Variants in EIF2AK3 observed in about 807,000 individuals in gnomAD.
The protein encoded by EIF2AK3 is eukaryotic translation initiation factor 2-alpha kinase 3.
Under a neutral mutation model 113.5 loss-of-function variants are expected in EIF2AK3, and 50 were observed. That is an observed-to-expected ratio of 0.44 (90% CI 0.35 to 0.56). The LOEUF (loss-of-function observed/expected upper bound fraction) is 0.56. Ranked by LOEUF, EIF2AK3 falls within the 20% of genes least tolerant of loss-of-function variation. EIF2AK3 has a pLI of 0.00. For synonymous variants in EIF2AK3, 448 were observed against 495.4 expected (o/e 0.90, Z 1.27); for missense variants, 1,185 against 1,378.0 (o/e 0.86, Z 2.22).
Position 88,570,932 on chromosome 2 carries a change from G to A in EIF2AK3, c.2927C>T (p.Pro976Leu), listed in dbSNP as rs372331748. 1 of 1,613,992 alleles carries A rather than the reference G, an allele frequency of 6.2e-7. No homozygotes were observed. The highest frequency in any genetic ancestry group is 8.5e-7 in the Non-Finnish European group (1 of 1,180,010). Residue 976 changes from proline to leucine, a missense_variant, in exon 14 of 17, where the codon CCA becomes CTA. Physicochemically the swap from Pro to Leu is moderately conservative, Grantham distance 98. Coordinates refer to ENST00000303236, the MANE Select transcript of EIF2AK3 (RefSeq NM_004836.7). ...TTGTCCTGTGTGTCTGGCATAAGCT[G>A]GCATTGGGGTCAGAACCGTCTGCTC... ...EEEQTVLTPM[P>L]AYARHTGQVG...
intron 7 of EIF2AK3, among the ~76,000 whole-genome samples, chr2:88,588,425 C>T (rs1674793948): frequency 6.6e-6 from 1 of 152,136 alleles, no homozygotes; most frequent in South Asian, 2.1e-4. Flanking sequence ...ATATGATGTG[C>T]TAACCAGATA....
In EIF2AK3 at chr2:88,591,025, T is replaced by G; in HGVS notation, c.795A>C (p.Glu265Asp). ...EKWNFSVGHF[E>D]LRYIPDMETR... ...TTTCCATGTCTGGAATATACCGAAG[T>G]TCAAAGTGGCCAACACTGAAATTCC... Residue 265 changes from glutamate (E) to aspartate (D), a missense_variant, in exon 5 of 17, where the codon GAA (glutamate) becomes GAC (aspartate). Glu to Asp is a conservative substitution (Grantham distance 45). Coordinates refer to ENST00000303236, the MANE Select transcript of EIF2AK3 (RefSeq NM_004836.7). 6.2e-7 allele frequency: 1 copy of G among 1,614,098 alleles called. No homozygotes were observed. The highest frequency in any genetic ancestry group is 8.5e-7 in the Non-Finnish European group (1 of 1,179,984).
chr2:88,558,478 C>A (rs1392325890), intron 16 of EIF2AK3, among the ~76,000 whole-genome samples: 1 of 152,140 alleles, frequency 6.6e-6, no homozygotes, highest in African/African-American at 2.4e-5. Flanking sequence ...ATAGATTCAT[C>A]AAGTTTGCAA....
chr2:88,588,637 T>G (rs1674799444), intron 7 of EIF2AK3, 124 bp downstream of exon 7: 4 of 970,638 alleles, frequency 4.1e-6, no homozygotes, highest in Non-Finnish European at 3.0e-6. Context: ...CCATCATGGT[T>G]TATCAATAAA....
At chr2:88,621,896 A>ATTTTT (rs34216518) in intron 1 of EIF2AK3, among the ~76,000 whole-genome samples, 17 of 133,278 alleles carry the variant, frequency 1.3e-4, no homozygotes, top group African/African-American at 3.7e-4. Flanking sequence ...TTATTCTATA[A>ATTTTT]TTTTTTTTTT....
At chr2:88,614,728 T>TA (rs1675531118) in intron 1 of EIF2AK3, among the ~76,000 whole-genome samples, 1 of 152,154 alleles carries the variant, frequency 6.6e-6, no homozygotes, top group Non-Finnish European at 1.5e-5. Context: ...CTTAACCAGT[T>TA]AAAATCCCAC....
At position 88,595,407 on chromosome 2, in the gene EIF2AK3, ATTACT is replaced by A. The variant is rs1265781121; in HGVS notation, c.633+57_633+61del. 4.7e-6 allele frequency: 7 copies of A among 1,494,350 alleles called. No individual in the cohort carries two copies. In the East Asian group the frequency reaches 1.6e-4, roughly 34 times the overall value. The allele number at this position is 1,494,350 out of a possible 1,614,324, so 92.6% of individuals were successfully genotyped here. ...ACTAATAATAAGTGTAGTTTAATAAATTACTTTTTCTACCCTAATTTACTCTGATT... is the reference window on the plus strand; with the variant it reads ...ACTAATAATAAGTGTAGTTTAATAAATTTTCTACCCTAATTTACTCTGATT... On this transcript the variant is annotated intron_variant, in intron 3 of 16. Transcript: ENST00000303236.
At chr2:88,588,715 G>C (rs763118225) in intron 7 of EIF2AK3, 46 bp downstream of exon 7, 2 of 1,605,846 alleles carry the variant, frequency 1.2e-6, no homozygotes, top group East Asian at 4.5e-5. Flanking sequence ...TCAGGATTAG[G>C]TCTCTGAACA....
intron 15 of EIF2AK3, 58 bp downstream of exon 15, chr2:88,562,231 G>A: frequency 7.1e-7 from 1 of 1,409,292 alleles, no homozygotes; most frequent in African/African-American, 1.4e-5. Context: ...AAACTCTTTT[G>A]TAAATGTTAG....
chr2:88,618,169 GAA>G (rs1453629806), intron 1 of EIF2AK3, among the ~76,000 whole-genome samples: 3 of 152,170 alleles, frequency 2.0e-5, no homozygotes, highest in Non-Finnish European at 4.4e-5. Context: ...GTGTTAGAGT[GAA>G]ATGCTGTCTC....
chr2:88,593,185 A>C lies in EIF2AK3; in HGVS notation c.767+87T>G, dbSNP rs146319886. 5 of 1,548,012 alleles carry C rather than the reference A, an allele frequency of 3.2e-6. No individual in the cohort carries two copies. In the African/African-American group the frequency reaches 5.5e-5, roughly 17 times the overall value. On this transcript the variant is annotated intron_variant, in intron 4 of 16. Coordinates refer to ENST00000303236, the MANE Select transcript of EIF2AK3 (RefSeq NM_004836.7). ...ATGCTTTTAAGGCAACAAAATAGTC[A>C]AAATCTCCACAAACAGAAATCTGAT...
chr2:88,592,168 G>A (rs938004248), intron 4 of EIF2AK3, among the ~76,000 whole-genome samples: 1 of 152,126 alleles, frequency 6.6e-6, no homozygotes, highest in Non-Finnish European at 1.5e-5. Flanking sequence ...AGCATTTGAT[G>A]TAGAATCAGC....
Position 88,557,006 on chromosome 2 carries a change from T to C in EIF2AK3, c.*730A>G, listed in dbSNP as rs1317529486. On this transcript the variant is annotated 3_prime_UTR_variant, in exon 17 of 17. Transcript: ENST00000303236. ...GATTTCATTAGGCTTAAAAAGTCCATAGTTGAAGAAGTTAGTTGTAATATA... is the reference window on the plus strand; with the variant it reads ...GATTTCATTAGGCTTAAAAAGTCCACAGTTGAAGAAGTTAGTTGTAATATA... The C allele has an allele frequency of 6.6e-6, 1 of 152,282 alleles. No individual in the cohort carries two copies. Among genetic ancestry groups the C allele is most frequent in the Non-Finnish European group, 1.5e-5 (1 of 68,044 alleles). 9.4% of individuals were successfully genotyped at this position (152,282 alleles called of 1,614,324 possible).
rs1675880283 is a variant in EIF2AK3, at chr2:88,626,994, T to A, written c.281A>T (p.Asp94Val). The stretch of plus-strand genomic sequence containing the variant: ...GCCGCGCGGTCGCAACTCTGTCTCA[T>A]CGTCTGGTTCCGGACCCCGAGGCTC... Reference protein sequence around the residue: ...EQEPRGPEPDDETELRPRGRS... With the variant: ...EQEPRGPEPDVETELRPRGRS... The change falls in exon 1 of 17, where the codon GAT becomes GTT. Residue 94 changes from aspartate to valine, a missense_variant. Physicochemically the swap from Asp to Val is radical, Grantham distance 152 (BLOSUM62 -3). Transcript: ENST00000303236. The A allele has an allele frequency of 1.2e-6, 2 of 1,609,198 alleles. No individual in the cohort carries two copies. Among genetic ancestry groups the A allele is most frequent in the Non-Finnish European group, 1.7e-6 (2 of 1,178,932 alleles).
In EIF2AK3 at chr2:88,562,289, C is replaced by T. The variant is rs1293926962; in HGVS notation, c.3087G>A (p.Arg1029=). ...TTTTTTGAGTAGGGAGGGTACTTAC[C>T]CTGACTCTCTCCATCTGAGTGCTGA... ...YPFSTQMERV[R]TLTDVRNLKF... is the part of the protein sequence containing the mutation. Residue 1029 remains arginine, a splice_region_variant and synonymous_variant, in exon 15 of 17, where the codon AGG becomes AGA. Coordinates refer to ENST00000303236, the MANE Select transcript of EIF2AK3 (RefSeq NM_004836.7). The T allele has an allele frequency of 6.2e-7, 1 of 1,612,812 alleles. No individual in the cohort carries two copies. The highest frequency in any genetic ancestry group is 8.5e-7 in the Non-Finnish European group (1 of 1,179,092).
chr2:88,591,019 C>A lies in EIF2AK3; in HGVS notation c.801G>T (p.Arg267=). The stretch of plus-strand genomic sequence containing the variant: ...CTCTCGTTTCCATGTCTGGAATATA[C>A]CGAAGTTCAAAGTGGCCAACACTGA... ...WNFSVGHFEL[R]YIPDMETRAG... The change falls in exon 5 of 17, where the codon CGG becomes CGT. Residue 267 remains arginine (R), a synonymous_variant. Coordinates refer to ENST00000303236, the MANE Select transcript of EIF2AK3 (RefSeq NM_004836.7). 1 of 1,614,036 alleles carries A rather than the reference C, an allele frequency of 6.2e-7. No homozygotes were observed. The highest frequency in any genetic ancestry group is 8.5e-7 in the Non-Finnish European group (1 of 1,179,966).
chr2:88,589,883 A>C (rs1674838247), intron 6 of EIF2AK3, among the ~76,000 whole-genome samples: 2 of 152,080 alleles, frequency 1.3e-5, no homozygotes, highest in Non-Finnish European at 2.9e-5. Context: ...TATAATGAGA[A>C]TATTTCTAAG....
rs369926754 is a variant in EIF2AK3, at chr2:88,577,725, T to G, written c.1887-1022A>C. On this transcript the variant is annotated intron_variant, in intron 11 of 16. Coordinates refer to ENST00000303236, the MANE Select transcript of EIF2AK3 (RefSeq NM_004836.7). ...CTTCCATCCTCCCCTATTCTTACCC[T>G]TTGTTCCATCTACTCCAGAACTCTC... 3.3e-4 allele frequency among the ~76,000 whole-genome samples: 51 copies of G among 152,248 alleles called. 1 individual carries two copies. Among genetic ancestry groups the G allele is most frequent in the Middle Eastern group, 3.4e-3 (1 of 294 alleles).
intron 1 of EIF2AK3, among the ~76,000 whole-genome samples, chr2:88,619,004 T>C (rs1342350067): frequency 6.6e-6 from 1 of 151,746 alleles, no homozygotes; most frequent in East Asian, 1.9e-4. Context: ...ATCATTCTTT[T>C]TTTTTTTTTT....
Sources: allele counts gnomAD v4.1 joint callset (sites outside exome capture counted in the v4.1 genomes callset), GRCh38; gene constraint gnomAD v4.1.1; transcripts MANE v1.5; gene names NCBI Gene and HGNC (gene_info 2026-07-23, HGNC 2026-07-21).